Variants in GREB1L observed in about 807,000 individuals in gnomAD.
GREB1L encodes the protein GREB1 like retinoic acid receptor coactivator, also known as GREB1-like protein.
Under a neutral mutation model 200.8 loss-of-function variants are expected in GREB1L, and 17 were observed. That is an observed-to-expected ratio of 0.08 (90% CI 0.06 to 0.13). GREB1L has a LOEUF of 0.13. Among genes scored for constraint, GREB1L ranks in the 10% least tolerant of loss-of-function variants. The pLI, the probability that GREB1L is intolerant of heterozygous loss-of-function variation, is 1.00. For missense variants in GREB1L, 1,657 were observed against 2,367.7 expected (o/e 0.70, Z 6.23); for synonymous variants, 789 against 893.0 (o/e 0.88, Z 2.08).
chr18:21,389,711 A>G (rs1335368171), intron 4 of GREB1L, among the ~76,000 whole-genome samples: 1 of 152,124 alleles, frequency 6.6e-6, no homozygotes, highest in Non-Finnish European at 1.5e-5. Flanking sequence ...CCCTTTTGCA[A>G]TGTATTGCTT....
intron 15 of GREB1L, among the ~76,000 whole-genome samples, chr18:21,456,992 T>C (rs2034795977): frequency 6.6e-6 from 1 of 152,210 alleles, no homozygotes; most frequent in Non-Finnish European, 1.5e-5. Context: ...TGTGATCTGA[T>C]ATCCCAAATT....
intron 15 of GREB1L, among the ~76,000 whole-genome samples, chr18:21,462,367 C>G (rs1598881135): frequency 6.6e-6 from 1 of 152,236 alleles, no homozygotes; most frequent in African/African-American, 2.4e-5. Context: ...TTCCTTGCCT[C>G]TGCTTATTTT....
At chr18:21,476,716 A>G (rs1333378808) in intron 16 of GREB1L, among the ~76,000 whole-genome samples, 1 of 150,344 alleles carries the variant, frequency 6.7e-6, no homozygotes, top group Non-Finnish European at 1.5e-5. Flanking sequence ...TTACAGGCAC[A>G]CACCGCCACA....
intron 1 of GREB1L, among the ~76,000 whole-genome samples, chr18:21,323,814 G>C (rs943172892): frequency 1.3e-5 from 2 of 152,120 alleles, no homozygotes; most frequent in African/African-American, 2.4e-5. Flanking sequence ...GTGTGATGAA[G>C]AGGTGCTCTC....
Position 21,505,813 on chromosome 18 carries a change from T to G in GREB1L, c.4232T>G (p.Val1411Gly). 2 of 1,551,244 alleles carry G rather than the reference T, an allele frequency of 1.3e-6. No individual in the cohort carries two copies. Among genetic ancestry groups the G allele is most frequent in the Non-Finnish European group, 1.7e-6 (2 of 1,146,724 alleles). The change falls in exon 25 of 33, where the codon GTG becomes GGG. Residue 1411 changes from valine (V) to glycine (G), a missense_variant. Physicochemically the swap from Val to Gly is moderately radical, Grantham distance 109. Transcript: ENST00000424526. Reference sequence around the variant, plus strand: ...CTTTTTGCCCCTTTATACACAGAAGTGATAAAGGAATCCAAAGTTGAAGAG... The same window carrying G: ...CTTTTTGCCCCTTTATACACAGAAGGGATAAAGGAATCCAAAGTTGAAGAG... ...TEKLAGVKQEVIKESKVEEPR... is the reference protein window; with the variant it reads ...TEKLAGVKQEGIKESKVEEPR...
chr18:21,402,957 A>G (rs1377931294), intron 6 of GREB1L, among the ~76,000 whole-genome samples: 2 of 151,856 alleles, frequency 1.3e-5, no homozygotes, highest in Non-Finnish European at 2.9e-5. Context: ...ATATATGCGT[A>G]TATTACCTAT....
chr18:21,252,750 C>T (rs1028875718), intron 1 of GREB1L, among the ~76,000 whole-genome samples: 7 of 151,568 alleles, frequency 4.6e-5, no homozygotes, highest in Non-Finnish European at 7.4e-5. Flanking sequence ...TGCCTGTAAT[C>T]CCAGCTACTC....
chr18:21,451,186 C>T, intron 13 of GREB1L, 35 bp downstream of exon 13: 1 of 1,546,064 alleles, frequency 6.5e-7, no homozygotes, highest in Non-Finnish European at 8.7e-7. Flanking sequence ...CACTGGCAGC[C>T]CCTAGTTGTA....
chr18:21,247,859 C>T (rs2037632985), intron 1 of GREB1L, among the ~76,000 whole-genome samples: 1 of 152,148 alleles, frequency 6.6e-6, no homozygotes, highest in Non-Finnish European at 1.5e-5. Flanking sequence ...AGGTTACATG[C>T]AGATTCTTGG....
chr18:21,434,539 A>ATGTGTATATATATGTGTGTATATATATG, intron 7 of GREB1L, among the ~76,000 whole-genome samples: 1 of 132,356 alleles, frequency 7.6e-6, no homozygotes, highest in South Asian at 2.3e-4. Flanking sequence ...GTGTATATAT[A>ATGTGTATATATATGTGTGTATATATATG]TGTGTATATA....
intron 1 of GREB1L, among the ~76,000 whole-genome samples, chr18:21,355,236 T>C (rs2039486699): frequency 6.6e-6 from 1 of 150,728 alleles, no homozygotes; most frequent in Non-Finnish European, 1.5e-5. Flanking sequence ...CTCTGAAGCC[T>C]AGGTTGGAGT....
chr18:21,347,801 C>G (rs867633725), intron 1 of GREB1L, among the ~76,000 whole-genome samples: 1 of 130,706 alleles, frequency 7.7e-6, no homozygotes, highest in Non-Finnish European at 1.6e-5. Flanking sequence ...GGGTGTTGCT[C>G]TGTCGCCCAG....
At chr18:21,435,935 T>C (rs1288841031) in intron 7 of GREB1L, among the ~76,000 whole-genome samples, 1 of 152,018 alleles carries the variant, frequency 6.6e-6, no homozygotes, top group African/African-American at 2.4e-5. Context: ...TGACAAATGA[T>C]GAGGTCCTTG....
At chr18:21,296,486 G>A (rs934744352) in intron 1 of GREB1L, among the ~76,000 whole-genome samples, 6 of 152,086 alleles carry the variant, frequency 3.9e-5, no homozygotes, top group African/African-American at 1.4e-4. Flanking sequence ...ACTACTTTCA[G>A]TTCCTGGGTG....
Position 21,384,309 on chromosome 18 carries a change from A to T in GREB1L, c.261A>T (p.Glu87Asp). Residue 87 changes from glutamate (E) to aspartate (D), a missense_variant, in exon 4 of 33, where the codon GAA (glutamate) becomes GAT (aspartate). This residue lies in a region of GREB1L where 121 missense variants were observed against 126.6 expected (regional missense o/e 0.96). Transcript: ENST00000424526. ...ACAATCTAACAGTTAATGAAATGGA[A>T]GATGATGAAGACGATGAAGAAATGT... is the stretch of plus-strand genomic sequence containing the variant. ...FSNNLTVNEM[E>D]DDEDDEEMSD... 6.4e-7 allele frequency: 1 copy of T among 1,551,248 alleles called. No individual in the cohort carries two copies. The highest frequency in any genetic ancestry group is 8.7e-7 in the Non-Finnish European group (1 of 1,146,410).
chr18:21,307,159 T>C (rs1212419767), intron 1 of GREB1L, among the ~76,000 whole-genome samples: 6 of 152,208 alleles, frequency 3.9e-5, no homozygotes, highest in Non-Finnish European at 4.4e-5. Flanking sequence ...ATTTTTCCTT[T>C]AGGAGTTTTG....
At chr18:21,353,148 C>T (rs2039458060) in intron 1 of GREB1L, among the ~76,000 whole-genome samples, 1 of 150,326 alleles carries the variant, frequency 6.7e-6, no homozygotes, top group African/African-American at 2.5e-5. Context: ...CATCACTGCA[C>T]TCCAGCCTAG....
At chr18:21,268,560 C>CATATATATATATAT (rs370094258) in intron 1 of GREB1L, among the ~76,000 whole-genome samples, 7 of 63,504 alleles carry the variant, frequency 1.1e-4, no homozygotes, top group African/African-American at 3.8e-4. Context: ...CACACACACA[C>CATATATATATATAT]ATATATATAT....
chr18:21,383,717 T>G, intron 3 of GREB1L, 42 bp downstream of exon 3: 1 of 1,538,418 alleles, frequency 6.5e-7, no homozygotes, highest in Non-Finnish European at 8.8e-7. Context: ...TCTTTTTTTT[T>G]GTTTTGTTTT....
Sources: gnomAD v4.1 joint callset for allele counts (sites outside exome capture counted in the v4.1 genomes callset) on GRCh38, gnomAD v4.1.1 for gene constraint, gnomAD v4.1.1 regional missense constraint, MANE v1.5 for transcripts, NCBI Gene and HGNC (gene_info 2026-07-23, HGNC 2026-07-21) for gene names.